Variants in SLC25A43 observed in about 807,000 individuals in gnomAD.
SLC25A43 encodes the protein solute carrier family 25, member 43.
A neutral mutation model predicts 22.8 loss-of-function variants in SLC25A43; 10 were observed. The observed-to-expected ratio is 0.44, with a 90% confidence interval of 0.27 to 0.74. The LOEUF (loss-of-function observed/expected upper bound fraction) is 0.74. SLC25A43 is among the 30% of genes least tolerant of loss of function. SLC25A43 has a pLI of 0.17. For missense variants in SLC25A43, 233 were observed against 279.1 expected, an observed-to-expected ratio of 0.83 and a Z score of 1.18; for synonymous variants, 106 against 121.6, an observed-to-expected ratio of 0.87 and a Z score of 0.84.
Position 119,399,633 on chromosome X carries a change from T to C in SLC25A43, c.230T>C (p.Leu77Pro). 3 of 1,014,521 alleles carry C rather than the reference T, an allele frequency of 3.0e-6. No individual in the cohort carries two copies. The highest frequency in any genetic ancestry group is 3.7e-6 in the Non-Finnish European group (3 of 801,103). 83.6% of individuals were successfully genotyped at this position (1,014,521 alleles called of 1,213,427 possible). A position where few individuals can be genotyped will look rare whatever the true frequency, so the allele number is the denominator to read the frequency against. ...ALWKGNAVAC[L>P]RLFPCSAVQL... ...TGGAAGGGGAACGCGGTGGCGTGCCTGCGCCTCTTCCCCTGCAGCGCCGTG... is the reference window on the plus strand; with the variant it reads ...TGGAAGGGGAACGCGGTGGCGTGCCCGCGCCTCTTCCCCTGCAGCGCCGTG... Residue 77 changes from leucine (L) to proline (P), a missense_variant, in exon 1 of 5, where the codon CTG (leucine) becomes CCG (proline). Coordinates refer to ENST00000217909, the MANE Select transcript of SLC25A43 (RefSeq NM_145305.3).
chrX:119,447,434 G>T (rs16279), intron 3 of SLC25A43, among the ~76,000 whole-genome samples: 9,631 of 110,168 alleles, frequency 0.087, 517 homozygotes, highest in African/African-American at 0.19. Flanking sequence ...GCCCCCCCAA[G>T]TAACTGGGAC....
chrX:119,405,117 G>A (rs2052278232), intron 1 of SLC25A43, among the ~76,000 whole-genome samples: 1 of 112,025 alleles, frequency 8.9e-6, no homozygotes, highest in African/African-American at 3.2e-5. Context: ...AGGGAAGTTA[G>A]GAGCCAGGAA....
chrX:119,414,914 A>ATTTTTT lies in SLC25A43; in HGVS notation c.690+4571_690+4576dup, dbSNP rs767288270. ...AGGCATGCACCACCACACCCAGCTA[A>ATTTTTT]TTTTTTTTTTTTTTTTTTTTTTTTG... is the stretch of plus-strand genomic sequence containing the variant. On this transcript the variant is annotated intron_variant, in intron 3 of 4. Transcript: ENST00000217909. 5.3e-5 allele frequency among the ~76,000 whole-genome samples: 3 copies of ATTTTTT among 56,913 alleles called. 1 individual carries two copies. Among genetic ancestry groups the ATTTTTT allele is most frequent in the Non-Finnish European group, 8.8e-5 (3 of 34,024 alleles). 49.4% of individuals were successfully genotyped at this position (56,913 alleles called of 115,157 possible). A position where few individuals can be genotyped will look rare whatever the true frequency, so the allele number is the denominator to read the frequency against.
At chrX:119,421,541 C>T (rs188223711) in intron 3 of SLC25A43, among the ~76,000 whole-genome samples, 2 of 112,010 alleles carry the variant, frequency 1.8e-5, no homozygotes. Flanking sequence ...AGTCACCAGG[C>T]CTTTGTTCAT....
At chrX:119,449,867 G>C (rs752992513) in intron 3 of SLC25A43, among the ~76,000 whole-genome samples, 12 of 112,339 alleles carry the variant, frequency 1.1e-4, no homozygotes, top group Non-Finnish European at 2.1e-4. Context: ...AGTGGGGATG[G>C]AAAGGAGGAT....
intron 3 of SLC25A43, among the ~76,000 whole-genome samples, chrX:119,444,136 A>T (rs1324314958): frequency 8.9e-6 from 1 of 111,878 alleles, no homozygotes; most frequent in Non-Finnish European, 1.9e-5. Context: ...AATATAAAAT[A>T]AAGAATTGTG....
intron 2 of SLC25A43, among the ~76,000 whole-genome samples, chrX:119,407,252 G>A (rs1249163080): frequency 9.0e-6 from 1 of 111,058 alleles, no homozygotes; most frequent in African/African-American, 3.3e-5. Flanking sequence ...GACTTATCCG[G>A]CCCATCTGGG....
At chrX:119,401,477 A>T (rs747732044) in intron 1 of SLC25A43, among the ~76,000 whole-genome samples, 12 of 111,246 alleles carry the variant, frequency 1.1e-4, no homozygotes, top group Non-Finnish European at 2.3e-4. Context: ...AGCGATGAGG[A>T]GGAGAAAATG....
intron 3 of SLC25A43, among the ~76,000 whole-genome samples, chrX:119,424,313 C>G (rs892597578): frequency 1.8e-5 from 2 of 111,439 alleles, no homozygotes; most frequent in African/African-American, 6.5e-5. Flanking sequence ...ATTTAACTGT[C>G]TTTATTGACC....
Position 119,415,626 on chromosome X carries a change from T to C in SLC25A43, c.690+5264T>C, listed in dbSNP as rs866376801. On this transcript the variant is annotated intron_variant, in intron 3 of 4. Transcript: ENST00000217909. The stretch of plus-strand genomic sequence containing the variant: ...AAGAGAATCACTTGAACTCAGGAGA[T>C]GGAGGTTGCAGTGAGCTGAGATCAT... Among the ~76,000 whole-genome samples, 21 of 106,908 alleles carry C rather than the reference T, an allele frequency of 2.0e-4. No homozygotes were observed. The Admixed American group carries it at 2.1e-3, about 11-fold the overall frequency. 92.8% of individuals were successfully genotyped at this position (106,908 alleles called of 115,157 possible).
At chrX:119,404,858 T>C (rs769652612) in intron 1 of SLC25A43, among the ~76,000 whole-genome samples, 2 of 111,771 alleles carry the variant, frequency 1.8e-5, no homozygotes, top group Non-Finnish European at 3.8e-5. Flanking sequence ...CATAATGTTT[T>C]AAGAAAGTTT....
intron 2 of SLC25A43, among the ~76,000 whole-genome samples, chrX:119,408,906 TC>T (rs2052322692): frequency 9.0e-6 from 1 of 110,833 alleles, no homozygotes; most frequent in East Asian, 2.8e-4. Context: ...ATCGAGAGTC[TC>T]TCACTTTCCA....
At chrX:119,448,390 C>A (rs954520790) in intron 3 of SLC25A43, among the ~76,000 whole-genome samples, 1 of 111,629 alleles carries the variant, frequency 9.0e-6, no homozygotes, top group Admixed American at 9.6e-5. Context: ...ATAACCCCCC[C>A]CAGTGACCAG....
intron 3 of SLC25A43, among the ~76,000 whole-genome samples, chrX:119,424,479 A>G (rs2052485778): frequency 9.0e-6 from 1 of 110,617 alleles, no homozygotes. Context: ...TTTTTTATTC[A>G]CCAAGAGTAC....
chrX:119,448,314 T>C (rs186076569), intron 3 of SLC25A43, among the ~76,000 whole-genome samples: 216 of 111,707 alleles, frequency 1.9e-3, no homozygotes, highest in Middle Eastern at 4.6e-3. Context: ...CATTCTTGAG[T>C]CTTTTTCAAC....
At position 119,422,397 on chromosome X, in the gene SLC25A43, C is replaced by T. The variant is rs145089285; in HGVS notation, c.690+12035C>T. On this transcript the variant is annotated intron_variant, in intron 3 of 4. Coordinates refer to ENST00000217909, the MANE Select transcript of SLC25A43 (RefSeq NM_145305.3). ...CCCATCTCCCCAAGCAGTAGTCTCC[C>T]GCTCCTGAATGGCTCACTCTTGCTA... 7.1e-4 allele frequency among the ~76,000 whole-genome samples: 80 copies of T among 112,103 alleles called. 2 individuals carry two copies. The East Asian group carries it at 0.02, about 28-fold the overall frequency.
At chrX:119,403,382 C>T (rs983790041) in intron 1 of SLC25A43, among the ~76,000 whole-genome samples, 1 of 110,513 alleles carries the variant, frequency 9.0e-6, no homozygotes, top group Non-Finnish European at 1.9e-5. Context: ...CTCCACCTCC[C>T]GGGTTCAAGC....
intron 3 of SLC25A43, among the ~76,000 whole-genome samples, chrX:119,421,837 C>T (rs961129141): frequency 9.0e-6 from 1 of 111,712 alleles, no homozygotes; most frequent in African/African-American, 3.3e-5. Flanking sequence ...ACTGCAGATG[C>T]CGTATTTTCA....
At chrX:119,431,648 G>C (rs1280781186) in intron 3 of SLC25A43, among the ~76,000 whole-genome samples, 1 of 112,138 alleles carries the variant, frequency 8.9e-6, no homozygotes, top group South Asian at 3.7e-4. Flanking sequence ...GCTATATTTG[G>C]GAAAAGCTAC....
Sources: allele counts gnomAD v4.1 joint callset (sites outside exome capture counted in the v4.1 genomes callset), GRCh38; gene constraint gnomAD v4.1.1; transcripts MANE v1.5; gene names NCBI Gene and HGNC (gene_info 2026-07-23, HGNC 2026-07-21).